FAM193A: variants seen among roughly 807,000 people sequenced by gnomAD.
The protein encoded by FAM193A is family with sequence similarity 193 member A.
In FAM193A, 22 loss-of-function variants were observed where a neutral mutation model predicts 126.5. The observed-to-expected ratio is 0.17, with a 90% CI of 0.12 to 0.25. The LOEUF (loss-of-function observed/expected upper bound fraction) is 0.25. FAM193A is among the 10% of genes least tolerant of loss of function. FAM193A has a pLI of 1.00. For missense variants in FAM193A, 1,675 were observed against 1,672.8 expected (o/e 1.00, Z -0.02); for synonymous variants, 761 against 646.8 (o/e 1.18, Z -2.68).
At chr4:2,696,654 C>T in intron 18 of FAM193A, 61 bp downstream of exon 18, 4 of 1,311,122 alleles carry the variant, frequency 3.1e-6, no homozygotes, top group Non-Finnish European at 4.3e-6. Flanking sequence ...AGGTGCCGTG[C>T]CACGCCAGTC....
chr4:2,617,421 G>A (rs1246760070), intron 2 of FAM193A, among the ~76,000 whole-genome samples: 1 of 148,152 alleles, frequency 6.7e-6, no homozygotes, highest in Non-Finnish European at 1.5e-5. Context: ...GCCCACCACC[G>A]CACCTGGCTA....
At chr4:2,578,183 A>G (rs1366931477) in intron 1 of FAM193A, among the ~76,000 whole-genome samples, 1 of 152,096 alleles carries the variant, frequency 6.6e-6, no homozygotes, top group Admixed American at 6.6e-5. Context: ...TTCCCACCTC[A>G]GCCTCCTTGA....
chr4:2,694,221 T>C (rs1716771678), intron 16 of FAM193A, among the ~76,000 whole-genome samples: 1 of 152,178 alleles, frequency 6.6e-6, no homozygotes, highest in South Asian at 2.1e-4. Flanking sequence ...GAAATGTGTA[T>C]ATAGTAAAAA....
rs747355342 is a variant in FAM193A, at chr4:2,630,946, G to C, written c.815G>C (p.Arg272Thr). The change falls in exon 5 of 21, where the codon AGG becomes ACG. Residue 272 changes from arginine (R) to threonine (T), a missense_variant. By Grantham distance (71) the Arg-to-Thr change is moderately conservative. This residue lies in a region of FAM193A where 1,186 missense variants were observed against 1,109.2 expected (regional missense o/e 1.07). Coordinates refer to ENST00000637812, the MANE Select transcript of FAM193A (RefSeq NM_001366318.2). ...VKELVDRLCERDPYQLYQRLE... is the reference protein window; with the variant it reads ...VKELVDRLCETDPYQLYQRLE... ...TCTTCTCTGTGCAGGCTCTGCGAGA[G>C]GGACCCCTACCAGCTGTACCAGCGT... 1.3e-6 allele frequency: 2 copies of C among 1,596,328 alleles called. No homozygotes were observed. The highest frequency in any genetic ancestry group is 2.7e-5 in the African/African-American group (2 of 74,588).
At chr4:2,545,162 T>G (rs1416652132) in intron 1 of FAM193A, among the ~76,000 whole-genome samples, 1 of 152,060 alleles carries the variant, frequency 6.6e-6, no homozygotes. Context: ...CCAGCTAATT[T>G]TCGTATTTTT....
chr4:2,601,487 G>A (rs1039041932), intron 2 of FAM193A, among the ~76,000 whole-genome samples: 11 of 151,740 alleles, frequency 7.2e-5, no homozygotes, highest in African/African-American at 2.2e-4. Context: ...CGCCCACCTC[G>A]GTCTCCCAAA....
intron 1 of FAM193A, 30 bp from the exon 2 acceptor site, chr4:2,596,054 T>C: frequency 1.5e-6 from 1 of 680,858 alleles, no homozygotes. Flanking sequence ...GATGAGGTTT[T>C]GAAAATAGAA....
intron 1 of FAM193A, among the ~76,000 whole-genome samples, chr4:2,549,917 T>TGGGA (rs1421311967): frequency 5.3e-5 from 8 of 150,076 alleles, no homozygotes; most frequent in Non-Finnish European, 8.9e-5. Flanking sequence ...TTAGTAAAGA[T>TGGGA]GGGATTTCAC....
intron 1 of FAM193A, among the ~76,000 whole-genome samples, chr4:2,590,134 C>CAAAAA (rs373845579): frequency 1.9e-5 from 2 of 106,536 alleles, no homozygotes; most frequent in Non-Finnish European, 1.9e-5. Context: ...GACTCTGTCT[C>CAAAAA]AAAAAAAAAA....
chr4:2,728,635 G>C (rs936580050), intron 20 of FAM193A, among the ~76,000 whole-genome samples: 5 of 152,046 alleles, frequency 3.3e-5, no homozygotes, highest in Non-Finnish European at 7.3e-5. Flanking sequence ...GCCATAAAGG[G>C]ATTCTTAATT....
intron 1 of FAM193A, among the ~76,000 whole-genome samples, chr4:2,584,662 C>G (rs1021038648): frequency 5.9e-5 from 9 of 152,258 alleles, no homozygotes; most frequent in African/African-American, 2.2e-4. Context: ...TGCGGTGGCT[C>G]AAGCCTGTAA....
intron 2 of FAM193A, among the ~76,000 whole-genome samples, chr4:2,624,592 C>T (rs1019099572): frequency 2.6e-5 from 4 of 152,300 alleles, no homozygotes; most frequent in South Asian, 2.1e-4. Flanking sequence ...CTCAGGCAAC[C>T]GTGGGCATAT....
At chr4:2,646,226 A>G (rs1052771999) in intron 6 of FAM193A, among the ~76,000 whole-genome samples, 5 of 129,006 alleles carry the variant, frequency 3.9e-5, no homozygotes, top group Non-Finnish European at 4.7e-5. Flanking sequence ...CTGGAGTGCA[A>G]TGGTGTGATT....
In FAM193A at chr4:2,719,955, A is replaced by C. The variant is rs58338325; in HGVS notation, c.4454+3851A>C. The stretch of plus-strand genomic sequence containing the variant: ...ACAGGCACATGCACCATGCCTGGCT[A>C]ATTTTTTTTTTCTTCTTTTTGTAGA... On this transcript the variant is annotated intron_variant, in intron 20 of 20. Transcript: ENST00000637812. 2.0e-4 allele frequency: 61 copies of C among 307,978 alleles called. 6 individuals carry two copies. The highest frequency in any genetic ancestry group is 8.6e-4 in the African/African-American group (37 of 42,882). 19.1% of individuals were successfully genotyped at this position (307,978 alleles called of 1,614,324 possible). A position where few individuals can be genotyped will look rare whatever the true frequency, so the allele number is the denominator to read the frequency against.
At chr4:2,677,381 A>T (rs181097942) in intron 13 of FAM193A, among the ~76,000 whole-genome samples, 3 of 152,150 alleles carry the variant, frequency 2.0e-5, no homozygotes, top group Admixed American at 2.0e-4. Context: ...GTGTGAGTCC[A>T]CCAGGTTTGG....
Position 2,700,193 on chromosome 4 carries a change from A to G in FAM193A, c.4021A>G (p.Arg1341Gly). 1 of 1,613,852 alleles carries G rather than the reference A, an allele frequency of 6.2e-7. No individual in the cohort carries two copies. Among genetic ancestry groups the G allele is most frequent in the South Asian group, 1.1e-5 (1 of 91,064 alleles). Reference protein sequence around the residue: ...HKEGNGKQKLRQTSKASSEPA... With the variant: ...HKEGNGKQKLGQTSKASSEPA... ...AGAAGGAAATGGCAAGCAGAAGCTGAGGCAGACCAGCAAGGCCAGCAGCGA... is the reference window on the plus strand; with the variant it reads ...AGAAGGAAATGGCAAGCAGAAGCTGGGGCAGACCAGCAAGGCCAGCAGCGA... Residue 1341 changes from arginine (R) to glycine (G), a missense_variant, in exon 19 of 21, where the codon AGG (arginine) becomes GGG (glycine). Around this residue, in one of 4 missense-constraint regions of FAM193A, gnomAD observed 415 missense variants for 396.7 expected, o/e 1.05. Transcript: ENST00000637812.
At chr4:2,635,699 A>T (rs1744019946) in intron 5 of FAM193A, among the ~76,000 whole-genome samples, 1 of 151,968 alleles carries the variant, frequency 6.6e-6, no homozygotes, top group Admixed American at 6.6e-5. Flanking sequence ...CATCTGGCTA[A>T]TTTTTTTGTA....
intron 2 of FAM193A, among the ~76,000 whole-genome samples, chr4:2,599,172 C>T (rs963324715): frequency 6.6e-6 from 1 of 152,112 alleles, no homozygotes; most frequent in African/African-American, 2.4e-5. Flanking sequence ...TAGACTCCCA[C>T]ACTTGACACT....
At chr4:2,551,488 A>C (rs570741730) in intron 1 of FAM193A, among the ~76,000 whole-genome samples, 16 of 152,214 alleles carry the variant, frequency 1.1e-4, no homozygotes, top group East Asian at 3.9e-4. Flanking sequence ...GATGGGAATT[A>C]TTTCTTTCTC....
Sources: gnomAD v4.1 joint callset for allele counts (sites outside exome capture counted in the v4.1 genomes callset) on GRCh38, gnomAD v4.1.1 for gene constraint, gnomAD v4.1.1 regional missense constraint, MANE v1.5 for transcripts, NCBI Gene and HGNC (gene_info 2026-07-23, HGNC 2026-07-21) for gene names.